Variants in MSI2 observed in about 807,000 individuals in gnomAD.
MSI2 encodes the protein RNA-binding protein Musashi homolog 2.
MSI2 carries 17 observed loss-of-function variants against 45.6 expected under a neutral mutation model. The ratio of observed to expected loss-of-function variants is 0.37; its 90% CI spans 0.26 to 0.56. The LOEUF (loss-of-function observed/expected upper bound fraction) is 0.56. MSI2 is among the 20% of genes least tolerant of loss of function. The pLI is 0.77. For missense variants in MSI2, 293 were observed against 444.2 expected, an observed-to-expected ratio of 0.66 and a Z score of 3.06; for synonymous variants, 156 against 158.2, an observed-to-expected ratio of 0.99 and a Z score of 0.11.
At chr17:57,597,822 G>A (rs1223717227) in intron 8 of MSI2, among the ~76,000 whole-genome samples, 1 of 152,122 alleles carries the variant, frequency 6.6e-6, no homozygotes, top group South Asian at 2.1e-4. Context: ...TTCTCTTTGG[G>A]TCCTGCTGGA....
chr17:57,548,021 C>G (rs2087210551), intron 7 of MSI2, among the ~76,000 whole-genome samples: 1 of 151,834 alleles, frequency 6.6e-6, no homozygotes, highest in Non-Finnish European at 1.5e-5. Flanking sequence ...ATGTTGCATT[C>G]AAGAATCAAA....
rs557694187 is a variant in MSI2, at chr17:57,333,839, T to C, written c.313-67540T>C. The stretch of plus-strand genomic sequence containing the variant: ...TGCCCTCTAGGATCTGCATACTTTT[T>C]TTAGAAGATCAAGAAAAAGATGAAG... On this transcript the variant is annotated intron_variant, in intron 5 of 13. Coordinates refer to ENST00000284073, the MANE Select transcript of MSI2 (RefSeq NM_138962.4). Among the ~76,000 whole-genome samples the C allele has an allele frequency of 2.0e-5, 3 of 152,312 alleles. No homozygotes were observed. The South Asian group carries it at 6.2e-4, about 32-fold the overall frequency.
intron 9 of MSI2, among the ~76,000 whole-genome samples, chr17:57,623,417 A>G (rs1180019120): frequency 1.3e-5 from 2 of 152,178 alleles, no homozygotes; most frequent in African/African-American, 4.8e-5. Context: ...GGTTGCAGCA[A>G]AGATCTAGAA....
At chr17:57,256,234 G>A (rs1000864676), upstream of MSI2, among the ~76,000 whole-genome samples, 1 of 151,908 alleles carries the variant, frequency 6.6e-6, no homozygotes, top group African/African-American at 2.4e-5. Context: ...CAGGGAAGTC[G>A]GGGTGCGCTC....
chr17:57,666,218 T>C (rs1399392998), intron 11 of MSI2, among the ~76,000 whole-genome samples: 1 of 152,240 alleles, frequency 6.6e-6, no homozygotes, highest in African/African-American at 2.4e-5. Flanking sequence ...TTAAAAAGCA[T>C]GTGCCTTCAA....
At chr17:57,424,904 G>C (rs1221943072) in intron 6 of MSI2, among the ~76,000 whole-genome samples, 2 of 152,142 alleles carry the variant, frequency 1.3e-5, no homozygotes, top group African/African-American at 4.8e-5. Flanking sequence ...ATTTGTTGGA[G>C]GCTGTGCTTG....
chr17:57,446,473 C>T (rs2084902542), intron 6 of MSI2, among the ~76,000 whole-genome samples: 1 of 152,230 alleles, frequency 6.6e-6, no homozygotes. Flanking sequence ...TGTCCCTGCA[C>T]AGCTGGCCCC....
At chr17:57,263,120 C>T (rs930126450) in intron 5 of MSI2, among the ~76,000 whole-genome samples, 2 of 152,200 alleles carry the variant, frequency 1.3e-5, no homozygotes. Flanking sequence ...TATGCACAGT[C>T]TCCCAGAAGT....
At chr17:57,314,662 C>T (rs1311733917) in intron 5 of MSI2, among the ~76,000 whole-genome samples, 1 of 150,694 alleles carries the variant, frequency 6.6e-6, no homozygotes, top group Non-Finnish European at 1.5e-5. Flanking sequence ...ACCTCCCACT[C>T]CCTGGTTCAA....
intron 5 of MSI2, among the ~76,000 whole-genome samples, chr17:57,361,758 C>G (rs1221051803): frequency 6.6e-6 from 1 of 152,140 alleles, no homozygotes; most frequent in Non-Finnish European, 1.5e-5. Context: ...TTTGCTGTCT[C>G]AGGGGTGCAG....
At chr17:57,492,472 A>C (rs1453127278) in intron 6 of MSI2, among the ~76,000 whole-genome samples, 1 of 152,214 alleles carries the variant, frequency 6.6e-6, no homozygotes, top group Non-Finnish European at 1.5e-5. Context: ...CTGGATGGGC[A>C]AGGGAAAAAC....
intron 7 of MSI2, among the ~76,000 whole-genome samples, chr17:57,566,956 T>C (rs578161340): frequency 8.6e-5 from 13 of 151,914 alleles, no homozygotes; most frequent in South Asian, 4.2e-4. Flanking sequence ...TTCCAGGGAG[T>C]GTAGGAGAAG....
chr17:57,677,108 A>G (rs373105429), intron 13 of MSI2, 49 bp downstream of exon 13: 1 of 1,293,916 alleles, frequency 7.7e-7, no homozygotes, highest in African/African-American at 1.5e-5. Context: ...GTGTCCGTAC[A>G]TGTATGTCCA....
intron 5 of MSI2, among the ~76,000 whole-genome samples, chr17:57,318,778 G>A (rs1459680034): frequency 1.3e-5 from 2 of 152,186 alleles, no homozygotes; most frequent in African/African-American, 4.8e-5. Flanking sequence ...ATTTTCTTGT[G>A]TCGTTTCTCC....
intron 7 of MSI2, among the ~76,000 whole-genome samples, chr17:57,577,642 G>A (rs2088085934): frequency 6.6e-6 from 1 of 152,214 alleles, no homozygotes; most frequent in Admixed American, 6.5e-5. Flanking sequence ...CCTACTTGCT[G>A]AAGATGATTA....
chr17:57,506,303 G>C (rs945122466), intron 6 of MSI2, among the ~76,000 whole-genome samples: 1 of 152,230 alleles, frequency 6.6e-6, no homozygotes, highest in African/African-American at 2.4e-5. Flanking sequence ...GTGATAAACA[G>C]TGTAAGGCGG....
At chr17:57,339,635 A>G (rs747864324) in intron 5 of MSI2, among the ~76,000 whole-genome samples, 2 of 152,156 alleles carry the variant, frequency 1.3e-5, no homozygotes, top group African/African-American at 4.8e-5. Flanking sequence ...TGATGACAGT[A>G]TATCCATTTT....
intron 5 of MSI2, among the ~76,000 whole-genome samples, chr17:57,357,597 C>T (rs754667672): frequency 1.6e-4 from 24 of 152,308 alleles, no homozygotes; most frequent in Non-Finnish European, 2.4e-4. Flanking sequence ...TACTTATTAA[C>T]GATGACGCTG....
intron 6 of MSI2, among the ~76,000 whole-genome samples, chr17:57,431,844 C>T (rs1393490326): frequency 2.6e-5 from 4 of 152,174 alleles, no homozygotes; most frequent in African/African-American, 7.2e-5. Context: ...CCCCAGTGTC[C>T]ACCTGCACTT....
Sources: allele counts gnomAD v4.1 joint callset (sites outside exome capture counted in the v4.1 genomes callset), GRCh38; gene constraint gnomAD v4.1.1; transcripts MANE v1.5; gene names NCBI Gene and HGNC (gene_info 2026-07-23, HGNC 2026-07-21).